The following ITGBL1 variants were observed in gnomAD, a reference collection of about 807,000 sequenced individuals.
ITGBL1 encodes the protein integrin subunit beta like 1.
In ITGBL1, 51 loss-of-function variants were observed where a neutral mutation model predicts 68.5. The observed-to-expected ratio is 0.74, with a 90% confidence interval of 0.59 to 0.94. The LOEUF is 0.94. Among genes scored for constraint, ITGBL1 ranks in the 40% least tolerant of loss-of-function variants. The probability of loss-of-function intolerance (pLI) is 0.00; values close to 1 mark genes in which losing one functional copy is unlikely to be tolerated. For missense variants in ITGBL1, 649 were observed against 647.4 expected (o/e 1.00, Z -0.03); for synonymous variants, 209 against 227.3 (o/e 0.92, Z 0.72).
chr13:101,524,152 TCTC>T (rs1168275585), intron 2 of ITGBL1, among the ~76,000 whole-genome samples: 1 of 150,050 alleles, frequency 6.7e-6, no homozygotes, highest in East Asian at 2.0e-4. Flanking sequence ...TTTAACTAGC[TCTC>T]CTCTATACTG....
At chr13:101,598,927 T>A (rs922564910) in intron 7 of ITGBL1, among the ~76,000 whole-genome samples, 71 of 152,156 alleles carry the variant, frequency 4.7e-4, no homozygotes, top group Non-Finnish European at 7.4e-5. Context: ...GCAGCATGAT[T>A]TATAATCCCC....
chr13:101,524,643 A>G lies in ITGBL1; in HGVS notation c.317-43056A>G, dbSNP rs181712312. Among the ~76,000 whole-genome samples the G allele has an allele frequency of 3.9e-4, 50 of 127,554 alleles. No individual in the cohort carries two copies. In the Middle Eastern group the frequency reaches 0.026, roughly 67 times the overall value. 83.7% of individuals were successfully genotyped at this position (127,554 alleles called of 152,430 possible). A position where few individuals can be genotyped will look rare whatever the true frequency, so the allele number is the denominator to read the frequency against. Reference sequence around the variant, plus strand: ...AGTGAGAGATAGATTGTAAAACTCAATGTATTCTTATTCTTTTTTTTTTTT... The same window carrying G: ...AGTGAGAGATAGATTGTAAAACTCAGTGTATTCTTATTCTTTTTTTTTTTT... On this transcript the variant is annotated intron_variant, in intron 2 of 10. Transcript: ENST00000376180.
At chr13:101,543,502 AT>A (rs1379432371) in intron 2 of ITGBL1, among the ~76,000 whole-genome samples, 1 of 151,828 alleles carries the variant, frequency 6.6e-6, no homozygotes, top group African/African-American at 2.4e-5. Flanking sequence ...TTTTTCCCTC[AT>A]TTCAACTTTG....
intron 2 of ITGBL1, among the ~76,000 whole-genome samples, chr13:101,460,667 T>C (rs889808413): frequency 6.6e-6 from 1 of 152,202 alleles, no homozygotes; most frequent in Non-Finnish European, 1.5e-5. Context: ...AAGAGGTTTA[T>C]TTGGCTTACA....
intron 7 of ITGBL1, among the ~76,000 whole-genome samples, chr13:101,606,846 G>A (rs1031639842): frequency 1.3e-5 from 2 of 151,938 alleles, no homozygotes; most frequent in South Asian, 2.1e-4. Flanking sequence ...TTGGAGGGAG[G>A]TGTTCTTGCA....
chr13:101,705,576 G>T (rs1030229523), intron 8 of ITGBL1, among the ~76,000 whole-genome samples: 1 of 151,570 alleles, frequency 6.6e-6, no homozygotes, highest in South Asian at 2.1e-4. Context: ...CTGTTAGAGG[G>T]ATTTCTGTAG....
chr13:101,550,861 C>T (rs2049909780), intron 2 of ITGBL1, among the ~76,000 whole-genome samples: 1 of 152,102 alleles, frequency 6.6e-6, no homozygotes, highest in African/African-American at 2.4e-5. Context: ...CAACTGCTCA[C>T]TGAATGCCAG....
intron 2 of ITGBL1, among the ~76,000 whole-genome samples, chr13:101,504,226 G>A (rs188104521): frequency 6.6e-6 from 1 of 152,238 alleles, no homozygotes; most frequent in East Asian, 1.9e-4. Flanking sequence ...TTAAAGATCT[G>A]TTTTTCTTAT....
chr13:101,458,696 C>T (rs996033429), intron 2 of ITGBL1, among the ~76,000 whole-genome samples: 1 of 152,160 alleles, frequency 6.6e-6, no homozygotes, highest in African/African-American at 2.4e-5. Flanking sequence ...CTCTAGTAAA[C>T]TTTAAATCAT....
chr13:101,574,315 A>T (rs1572327), intron 3 of ITGBL1, among the ~76,000 whole-genome samples: 3 of 151,946 alleles, frequency 2.0e-5, no homozygotes, highest in Non-Finnish European at 4.4e-5. Context: ...CTATTGTCTC[A>T]TGCTGGAAGT....
chr13:101,662,727 C>T (rs962806639), intron 7 of ITGBL1, among the ~76,000 whole-genome samples: 3 of 151,810 alleles, frequency 2.0e-5, no homozygotes, highest in Non-Finnish European at 2.9e-5. Context: ...ATTTGATCAC[C>T]GTTCAGTTTT....
chr13:101,616,106 T>C (rs1223101339), intron 7 of ITGBL1, among the ~76,000 whole-genome samples: 1 of 152,118 alleles, frequency 6.6e-6, no homozygotes, highest in Non-Finnish European at 1.5e-5. Context: ...ATCATTGCAG[T>C]AGAATGTAGT....
chr13:101,466,560 A>G (rs570385010), intron 2 of ITGBL1, among the ~76,000 whole-genome samples: 1 of 152,150 alleles, frequency 6.6e-6, no homozygotes, highest in Non-Finnish European at 1.5e-5. Context: ...GTATGCTCCC[A>G]TCTCTCTAGT....
At chr13:101,621,723 A>G (rs745837241) in intron 7 of ITGBL1, among the ~76,000 whole-genome samples, 1 of 152,144 alleles carries the variant, frequency 6.6e-6, no homozygotes, top group African/African-American at 2.4e-5. Flanking sequence ...CTTTTTCAAA[A>G]TTTTTAGTCT....
At chr13:101,559,658 ATGTTGGCTGTCATG>A (rs1187494709) in intron 2 of ITGBL1, among the ~76,000 whole-genome samples, 42 of 152,300 alleles carry the variant, frequency 2.8e-4, no homozygotes, top group Admixed American at 4.6e-4. Flanking sequence ...TAAACAGATA[ATGTTGGCTGTCATG>A]GGAAAAACAT....
At chr13:101,482,578 C>G (rs1402396893) in intron 2 of ITGBL1, among the ~76,000 whole-genome samples, 1 of 151,766 alleles carries the variant, frequency 6.6e-6, no homozygotes, top group African/African-American at 2.4e-5. Flanking sequence ...TGGAAAACAC[C>G]CTAAATATAC....
rs1011025502 is a variant in ITGBL1 at position 101,468,755 on chromosome 13, G to A, written c.316+14655G>A. On this transcript the variant is annotated intron_variant, in intron 2 of 10. Transcript: ENST00000376180. ...AAGAAAGTACTGGGCAAAAGAACCCGTTATGCATCTCATGTTAAAGAAAGT... is the reference window on the plus strand; with the variant it reads ...AAGAAAGTACTGGGCAAAAGAACCCATTATGCATCTCATGTTAAAGAAAGT... Among the ~76,000 whole-genome samples the A allele has an allele frequency of 5.3e-5, 8 of 152,158 alleles. No individual in the cohort carries two copies. The East Asian group carries it at 1.3e-3, about 26-fold the overall frequency.
intron 2 of ITGBL1, among the ~76,000 whole-genome samples, chr13:101,506,100 A>T (rs1388914005): frequency 6.6e-6 from 1 of 152,188 alleles, no homozygotes; most frequent in Non-Finnish European, 1.5e-5. Context: ...TGGCAAGCCT[A>T]CTACAATGCG....
At chr13:101,636,203 G>T (rs931783247) in intron 7 of ITGBL1, among the ~76,000 whole-genome samples, 8 of 152,066 alleles carry the variant, frequency 5.3e-5, no homozygotes, top group Admixed American at 6.5e-5. Flanking sequence ...GAATAGAAGA[G>T]TGTTTAACTC....
Sources: allele counts gnomAD v4.1 joint callset (sites outside exome capture counted in the v4.1 genomes callset), GRCh38; gene constraint gnomAD v4.1.1; transcripts MANE v1.5; gene names NCBI Gene and HGNC (gene_info 2026-07-23, HGNC 2026-07-21).